The following ZDHHC2 variants were observed in gnomAD, a reference collection of about 807,000 sequenced individuals.
ZDHHC2 encodes the protein zDHHC palmitoyltransferase 2.
A neutral mutation model predicts 55.6 loss-of-function variants in ZDHHC2; 51 were observed. The observed-to-expected ratio is 0.92, with a 90% CI of 0.73 to 1.16. The LOEUF (loss-of-function observed/expected upper bound fraction) is 1.16. Ranked by LOEUF, ZDHHC2 falls within the 50% of genes most tolerant of loss-of-function variation. ZDHHC2 has a pLI of 0.00. For missense variants in ZDHHC2, 491 were observed against 442.4 expected (o/e 1.11, Z -0.99); for synonymous variants, 199 against 152.9 (o/e 1.30, Z -2.22).
chr8:17,194,215 C>T (rs539693331), intron 3 of ZDHHC2, among the ~76,000 whole-genome samples: 6 of 152,054 alleles, frequency 3.9e-5, no homozygotes, highest in East Asian at 1.9e-4. Flanking sequence ...GTGAACAGTG[C>T]CGCAATAAAC....
intron 10 of ZDHHC2, among the ~76,000 whole-genome samples, chr8:17,213,149 T>G (rs893466558): frequency 6.6e-6 from 1 of 152,206 alleles, no homozygotes; most frequent in African/African-American, 2.4e-5. Flanking sequence ...TGTCTTCTCT[T>G]TATTTATATT....
At chr8:17,207,818 G>C (rs1807181049) in intron 7 of ZDHHC2, 142 bp from the exon 8 acceptor site, 2 of 604,802 alleles carry the variant, frequency 3.3e-6, no homozygotes, top group Non-Finnish European at 4.8e-6. Flanking sequence ...TTTTCCTAAA[G>C]TTTTAACATA....
chr8:17,218,531 A>C (rs1807754371), intron 12 of ZDHHC2, among the ~76,000 whole-genome samples: 1 of 152,182 alleles, frequency 6.6e-6, no homozygotes, highest in African/African-American at 2.4e-5. Context: ...GAGACTTCCC[A>C]GTATTTTGAC....
intron 6 of ZDHHC2, among the ~76,000 whole-genome samples, chr8:17,202,391 AT>A (rs953918238): frequency 2.0e-4 from 31 of 151,722 alleles, no homozygotes; most frequent in African/African-American, 7.5e-4. Context: ...CACATAGGAA[AT>A]TTTTTTTTAC....
At position 17,198,885 on chromosome 8, in the gene ZDHHC2, A is replaced by G. The variant is rs74467328; in HGVS notation, c.476+472A>G. ...AAATGCACACATAAATTTAAACAAG[A>G]TTTTCCACATAGAATTCATTAATAT... On this transcript the variant is annotated intron_variant, in intron 6 of 12. Coordinates refer to ENST00000262096, the MANE Select transcript of ZDHHC2 (RefSeq NM_016353.5). Among the ~76,000 whole-genome samples, 74 of 152,358 alleles carry G rather than the reference A, an allele frequency of 4.9e-4. 1 individual carries two copies. In the East Asian group the frequency reaches 0.014, roughly 28 times the overall value.
At chr8:17,199,745 CCTT>C (rs1284422550) in intron 6 of ZDHHC2, among the ~76,000 whole-genome samples, 2 of 147,576 alleles carry the variant, frequency 1.4e-5, no homozygotes, top group South Asian at 2.2e-4. Flanking sequence ...CCTTCTTCGT[CCTT>C]CTTCTTTCTT....
rs1005079865 is a variant in ZDHHC2 at position 17,221,919 on chromosome 8, G to C, written c.*1698G>C. The C allele has an allele frequency of 2.1e-5, 3 of 145,418 alleles. No individual in the cohort carries two copies. Among genetic ancestry groups the C allele is most frequent in the Non-Finnish European group, 4.5e-5 (3 of 66,810 alleles). The allele number at this position is 145,418 out of a possible 1,614,324, so 9.0% of individuals were successfully genotyped here. On this transcript the variant is annotated 3_prime_UTR_variant, in exon 13 of 13. Coordinates refer to ENST00000262096, the MANE Select transcript of ZDHHC2 (RefSeq NM_016353.5). ...AGACCGGAACCTATAGCTACTGCTA[G>C]AAGTCTTAAAAAAACCAACAGCAGC...
chr8:17,165,780 C>T (rs1023153285), intron 1 of ZDHHC2, among the ~76,000 whole-genome samples: 2 of 152,066 alleles, frequency 1.3e-5, no homozygotes, highest in East Asian at 1.9e-4. Flanking sequence ...AGGAAGGTTT[C>T]GATTTTAAAT....
Position 17,199,465 on chromosome 8 carries a change from A to ACTTCTT in ZDHHC2, c.476+1096_476+1101dup, listed in dbSNP as rs377014817. The stretch of plus-strand genomic sequence containing the variant: ...CCTCTCCCCCAGTGTCTTTAATAAG[A>ACTTCTT]CTTCTTCTTCTTCTTCTTCTTCTTC... On this transcript the variant is annotated intron_variant, in intron 6 of 12. Coordinates refer to ENST00000262096, the MANE Select transcript of ZDHHC2 (RefSeq NM_016353.5). Among the ~76,000 whole-genome samples, 303 of 98,528 alleles carry ACTTCTT rather than the reference A, an allele frequency of 3.1e-3. 5 individuals carry two copies. The highest frequency in any genetic ancestry group is 8.0e-3 in the South Asian group (21 of 2,640). 64.6% of individuals were successfully genotyped at this position (98,528 alleles called of 152,430 possible). A position where few individuals can be genotyped will look rare whatever the true frequency, so the allele number is the denominator to read the frequency against.
At chr8:17,199,791 G>A (rs1438212287) in intron 6 of ZDHHC2, among the ~76,000 whole-genome samples, 15 of 131,558 alleles carry the variant, frequency 1.1e-4, no homozygotes, top group South Asian at 4.7e-4. Flanking sequence ...ACAGAGTCTC[G>A]CTCTGTCGCC....
intron 1 of ZDHHC2, among the ~76,000 whole-genome samples, chr8:17,173,995 C>T (rs746528173): frequency 1.6e-4 from 25 of 151,992 alleles, no homozygotes; most frequent in Non-Finnish European, 3.2e-4. Context: ...TGTGAACGTA[C>T]AGAGAGTAGG....
chr8:17,175,516 G>C (rs1805084569), intron 1 of ZDHHC2, among the ~76,000 whole-genome samples: 1 of 152,092 alleles, frequency 6.6e-6, no homozygotes, highest in East Asian at 1.9e-4. Flanking sequence ...CTAAACTTTA[G>C]GAAACTCCTA....
Position 17,223,986 on chromosome 8 carries a change from C to T in ZDHHC2, c.*3765C>T, listed in dbSNP as rs915192481. On this transcript the variant is annotated 3_prime_UTR_variant, in exon 13 of 13. Coordinates refer to ENST00000262096, the MANE Select transcript of ZDHHC2 (RefSeq NM_016353.5). ...TCAACTATGAATATGAAGTATCTCC[C>T]AGAACAATGTTGAGTGTTTCAGGAG... 4.0e-5 allele frequency: 6 copies of T among 151,602 alleles called. No individual in the cohort carries two copies. Among genetic ancestry groups the T allele is most frequent in the African/African-American group, 1.5e-4 (6 of 41,364 alleles). The allele number at this position is 151,602 out of a possible 1,614,324, so 9.4% of individuals were successfully genotyped here.
intron 3 of ZDHHC2, among the ~76,000 whole-genome samples, chr8:17,187,755 A>G (rs1242297692): frequency 6.6e-6 from 1 of 152,138 alleles, no homozygotes; most frequent in Non-Finnish European, 1.5e-5. Context: ...CTGGTAGTTT[A>G]CATACAACCT....
At chr8:17,195,062 T>A (rs985909817) in intron 3 of ZDHHC2, among the ~76,000 whole-genome samples, 3 of 152,192 alleles carry the variant, frequency 2.0e-5, no homozygotes, top group Admixed American at 6.5e-5. Flanking sequence ...GTAAGGATTA[T>A]CCCTAAGTTA....
At chr8:17,182,045 G>T (rs1805455931) in intron 1 of ZDHHC2, among the ~76,000 whole-genome samples, 2 of 152,118 alleles carry the variant, frequency 1.3e-5, no homozygotes. Context: ...AGTAACCATG[G>T]TTGAAAGAAC....
At chr8:17,210,177 T>A in intron 9 of ZDHHC2, 119 bp downstream of exon 9, 1 of 1,229,452 alleles carries the variant, frequency 8.1e-7, no homozygotes, top group South Asian at 1.7e-5. Flanking sequence ...CTCTTATTTT[T>A]AAAAAATATT....
At chr8:17,201,877 A>G (rs1269162908) in intron 6 of ZDHHC2, among the ~76,000 whole-genome samples, 1 of 152,098 alleles carries the variant, frequency 6.6e-6, no homozygotes, top group East Asian at 1.9e-4. Flanking sequence ...GAAACATTGG[A>G]TCAACAATAC....
chr8:17,193,142 A>C (rs1251992318), intron 3 of ZDHHC2, among the ~76,000 whole-genome samples: 4 of 152,160 alleles, frequency 2.6e-5, no homozygotes, highest in African/African-American at 9.7e-5. Flanking sequence ...AGTTTTGGCT[A>C]TTCTGGGTCT....
Sources: gnomAD v4.1 joint callset for allele counts (sites outside exome capture counted in the v4.1 genomes callset) on GRCh38, gnomAD v4.1.1 for gene constraint, MANE v1.5 for transcripts, NCBI Gene and HGNC (gene_info 2026-07-23, HGNC 2026-07-21) for gene names.